LAMB1: variants seen among roughly 807,000 people sequenced by gnomAD.
LAMB1 encodes laminin subunit beta 1, also known as laminin subunit beta-1.
In LAMB1, 121 loss-of-function variants were observed where a neutral mutation model predicts 222.3. The observed-to-expected ratio is 0.54, with a 90% CI of 0.47 to 0.63. LAMB1 has a LOEUF of 0.63. Ranked by LOEUF, LAMB1 falls within the 30% of genes least tolerant of loss-of-function variation. The pLI is 0.00. For synonymous variants in LAMB1, 794 were observed against 807.2 expected, an observed-to-expected ratio of 0.98 and a Z score of 0.28; for missense variants, 2,172 against 2,240.8, an observed-to-expected ratio of 0.97 and a Z score of 0.62.
At chr7:107,968,956 GT>G (rs2033687302) in intron 13 of LAMB1, among the ~76,000 whole-genome samples, 1 of 152,088 alleles carries the variant, frequency 6.6e-6, no homozygotes, top group East Asian at 1.9e-4. Flanking sequence ...CAGGCTCTAT[GT>G]TTTCTCAGTG....
At chr7:107,979,415 G>T (rs2033929933) in intron 8 of LAMB1, among the ~76,000 whole-genome samples, 1 of 152,212 alleles carries the variant, frequency 6.6e-6, no homozygotes, top group African/African-American at 2.4e-5. Context: ...GGAGGCCACA[G>T]CTTAGGGGAA....
intron 18 of LAMB1, 49 bp from the exon 19 acceptor site, chr7:107,959,883 C>T (rs764610952): frequency 3.8e-6 from 6 of 1,583,830 alleles, no homozygotes; most frequent in East Asian, 4.5e-5. Flanking sequence ...AGCACATCAT[C>T]GGGCTCTCCC....
chr7:107,978,044 T>TA lies in LAMB1; in HGVS notation c.1000+2dup, dbSNP rs1427325467. On this transcript the variant is annotated splice_region_variant and intron_variant, in intron 9 of 33. Coordinates refer to ENST00000222399, the MANE Select transcript of LAMB1 (RefSeq NM_002291.3). Reference sequence around the variant, plus strand: ...TTAAAATGTCCCTTCAACACAGACTTACTTTTACAGGCGTTGCTGTTTCGG... The same window carrying TA: ...TTAAAATGTCCCTTCAACACAGACTTAACTTTTACAGGCGTTGCTGTTTCGG... 3.7e-6 allele frequency: 6 copies of TA among 1,614,046 alleles called. No individual in the cohort carries two copies. Among genetic ancestry groups the TA allele is most frequent in the Non-Finnish European group, 5.1e-6 (6 of 1,180,014 alleles).
intron 24 of LAMB1, among the ~76,000 whole-genome samples, chr7:107,949,325 A>G (rs1276329270): frequency 6.6e-6 from 1 of 152,264 alleles, no homozygotes; most frequent in African/African-American, 2.4e-5. Context: ...TCCTGCTAAC[A>G]AAGCTAAGAT....
At chr7:107,972,026 TTCTG>T (rs1273676094) in intron 13 of LAMB1, among the ~76,000 whole-genome samples, 6 of 152,226 alleles carry the variant, frequency 3.9e-5, no homozygotes, top group Admixed American at 3.9e-4. Context: ...GCAGACAGCA[TTCTG>T]TCTTTCTTCC....
intron 5 of LAMB1, among the ~76,000 whole-genome samples, chr7:107,993,151 C>T (rs367974793): frequency 1.3e-5 from 2 of 152,120 alleles, no homozygotes; most frequent in East Asian, 1.9e-4. Flanking sequence ...TTCTTTTTCT[C>T]GAGACAGGGT....
intron 13 of LAMB1, among the ~76,000 whole-genome samples, chr7:107,967,449 T>C (rs879905824): frequency 6.9e-6 from 1 of 145,690 alleles, no homozygotes; most frequent in African/African-American, 2.4e-5. Flanking sequence ...GCTGCTTTCA[T>C]TGTTTCACGA....
At chr7:107,976,774 C>T (rs2033864988) in intron 9 of LAMB1, among the ~76,000 whole-genome samples, 1 of 152,188 alleles carries the variant, frequency 6.6e-6, no homozygotes, top group South Asian at 2.1e-4. Context: ...TTGTGCTTCA[C>T]ATTGTTGTTC....
In LAMB1 at chr7:107,967,189, A is replaced by C. The variant is rs150715576; in HGVS notation, c.1563-2502T>G. Among the ~76,000 whole-genome samples the C allele has an allele frequency of 8.1e-4, 124 of 152,280 alleles. 1 individual carries two copies. The highest frequency in any genetic ancestry group is 3.0e-3 in the African/African-American group (124 of 41,554). On this transcript the variant is annotated intron_variant, in intron 13 of 33. Coordinates refer to ENST00000222399, the MANE Select transcript of LAMB1 (RefSeq NM_002291.3). ...CTGCTGTTTCTGCCAGTAGATTTAA[A>C]ATTCTTCTCATGGTATAGGTGAGAC...
Position 107,923,965 on chromosome 7 carries a change from T to C in LAMB1, c.5347A>G (p.Ser1783Gly), listed in dbSNP as rs374245297. 5.7e-5 allele frequency: 91 copies of C among 1,609,692 alleles called. No individual in the cohort carries two copies. The highest frequency in any genetic ancestry group is 7.5e-5 in the Non-Finnish European group (89 of 1,178,940). ...ATTCTCCTCTGTTACAAGCATGTGC[T>C]ATACACAGCAACTTTCTGGCTTATA... ...KDISQKVAVY[S>G]TCL Residue 1783 changes from serine (S) to glycine (G), a missense_variant, in exon 34 of 34, where the codon AGC becomes GGC. Coordinates refer to ENST00000222399, the MANE Select transcript of LAMB1 (RefSeq NM_002291.3).
intron 4 of LAMB1, among the ~76,000 whole-genome samples, chr7:107,996,614 T>A (rs1288276082): frequency 6.6e-6 from 1 of 152,232 alleles, no homozygotes; most frequent in African/African-American, 2.4e-5. Context: ...TAATCTCATC[T>A]AATCTCTTGT....
chr7:107,968,733 T>C (rs1263554664), intron 13 of LAMB1, among the ~76,000 whole-genome samples: 1 of 152,142 alleles, frequency 6.6e-6, no homozygotes, highest in Non-Finnish European at 1.5e-5. Flanking sequence ...AACCTCAGCC[T>C]ACGACTGCAA....
At chr7:107,947,664 CA>C (rs1399474501) in intron 24 of LAMB1, among the ~76,000 whole-genome samples, 1 of 152,182 alleles carries the variant, frequency 6.6e-6, no homozygotes, top group African/African-American at 2.4e-5. Context: ...CCCCATTGTC[CA>C]CTCAAATCAA....
At position 107,975,296 on chromosome 7, in the gene LAMB1, T is replaced by C. The variant is rs145224507; in HGVS notation, c.1307A>G (p.His436Arg). ...CRCKLNVEGE[H>R]CDVCKEGFYD... ...GAAGCCTTCTTTGCAAACATCACAA[T>C]GTTCTCCTTCCACATTTAATTTACA... The change falls in exon 11 of 34, where the codon CAT becomes CGT. Residue 436 changes from histidine to arginine, a missense_variant. His to Arg is a conservative substitution (Grantham distance 29). Coordinates refer to ENST00000222399, the MANE Select transcript of LAMB1 (RefSeq NM_002291.3). The C allele has an allele frequency of 8.7e-6, 14 of 1,614,136 alleles. No individual in the cohort carries two copies. In the African/African-American group the frequency reaches 1.9e-4, roughly 22 times the overall value.
At chr7:107,964,824 T>A (rs543821152) in intron 13 of LAMB1, 137 bp from the exon 14 acceptor site, 5 of 1,017,982 alleles carry the variant, frequency 4.9e-6, no homozygotes, top group Admixed American at 2.7e-5. Context: ...AGAAAATACA[T>A]ATGTGGAAAA....
chr7:107,958,410 G>A (rs2033422160), intron 20 of LAMB1, among the ~76,000 whole-genome samples: 1 of 152,184 alleles, frequency 6.6e-6, no homozygotes, highest in Non-Finnish European at 1.5e-5. Flanking sequence ...CACATACTCA[G>A]TTTTTCACTA....
rs150669065 is a variant in LAMB1, at chr7:107,953,425, A to C, written c.3079+105T>G. 2.4e-4 allele frequency: 214 copies of C among 895,928 alleles called. 1 individual carries two copies. The East Asian group carries it at 5.5e-3, about 23-fold the overall frequency. The allele number at this position is 895,928 out of a possible 1,614,324, so 55.5% of individuals were successfully genotyped here. Reference sequence around the variant, plus strand: ...AAGTGAAATTTTACCTCTCTGAACAAGTGTTTTCCCAAGTGAAATAAATAC... The same window carrying C: ...AAGTGAAATTTTACCTCTCTGAACACGTGTTTTCCCAAGTGAAATAAATAC... On this transcript the variant is annotated intron_variant, in intron 22 of 33. Transcript: ENST00000222399.
chr7:107,998,789 T>C (rs2034327201), intron 3 of LAMB1, among the ~76,000 whole-genome samples: 2 of 152,214 alleles, frequency 1.3e-5, no homozygotes, highest in South Asian at 4.1e-4. Flanking sequence ...GCTTAAACCT[T>C]AATCTCAATA....
chr7:107,971,881 T>C (rs962666146), intron 13 of LAMB1, among the ~76,000 whole-genome samples: 1 of 152,184 alleles, frequency 6.6e-6, no homozygotes, highest in Non-Finnish European at 1.5e-5. Flanking sequence ...ATTTGGGGAA[T>C]TGCATATGCC....
Sources: allele counts gnomAD v4.1 joint callset (sites outside exome capture counted in the v4.1 genomes callset), GRCh38; gene constraint gnomAD v4.1.1; transcripts MANE v1.5; gene names NCBI Gene and HGNC (gene_info 2026-07-23, HGNC 2026-07-21).